The following ROBO1 variants were observed in gnomAD, a reference collection of about 807,000 sequenced individuals.
The protein encoded by ROBO1 is roundabout homolog 1.
In ROBO1, 149 loss-of-function variants were observed where a neutral mutation model predicts 195.9. That is an observed-to-expected ratio of 0.76 (90% confidence interval 0.67 to 0.87). The LOEUF is 0.87. ROBO1 is among the 40% of genes least tolerant of loss of function. The pLI is 0.00. For missense variants in ROBO1, 1,933 were observed against 2,068.3 expected (o/e 0.93, Z 1.27); for synonymous variants, 816 against 733.2 (o/e 1.11, Z -1.82).
At chr3:79,612,178 C>T (rs557775607) in intron 1 of ROBO1, among the ~76,000 whole-genome samples, 2 of 147,844 alleles carry the variant, frequency 1.4e-5, no homozygotes, top group Non-Finnish European at 3.0e-5. Context: ...ATCCCTCCCC[C>T]CTCCCACCAC....
chr3:79,481,777 A>G (rs1237298949), intron 2 of ROBO1, among the ~76,000 whole-genome samples: 2 of 152,208 alleles, frequency 1.3e-5, no homozygotes, highest in African/African-American at 4.8e-5. Flanking sequence ...AACATAGTTC[A>G]GAAGAAATTT....
intron 11 of ROBO1, 49 bp downstream of exon 11, chr3:78,670,047 G>T: frequency 6.8e-7 from 1 of 1,469,152 alleles, no homozygotes; most frequent in South Asian, 1.3e-5. Context: ...GTTGGAGGCA[G>T]AAACAAAGTG....
chr3:78,759,763 G>A (rs958975484), intron 4 of ROBO1, among the ~76,000 whole-genome samples: 1 of 151,946 alleles, frequency 6.6e-6, no homozygotes, highest in African/African-American at 2.4e-5. Flanking sequence ...TTCTATTTTT[G>A]CTGCCCCAGA....
chr3:78,993,722 T>C (rs927636405), intron 3 of ROBO1, among the ~76,000 whole-genome samples: 5 of 152,184 alleles, frequency 3.3e-5, no homozygotes, highest in Non-Finnish European at 5.9e-5. Context: ...ACTTTGCCCA[T>C]AATTGTTAAT....
At chr3:79,484,503 A>ATG (rs201217356) in intron 2 of ROBO1, among the ~76,000 whole-genome samples, 216 of 151,836 alleles carry the variant, frequency 1.4e-3, no homozygotes, top group African/African-American at 4.9e-3. Context: ...ATATATATAT[A>ATG]TGTGTGTGTG....
At chr3:78,950,630 T>A (rs529078451) in intron 3 of ROBO1, among the ~76,000 whole-genome samples, 2 of 151,742 alleles carry the variant, frequency 1.3e-5, no homozygotes, top group African/African-American at 4.8e-5. Flanking sequence ...ACCTGCACAT[T>A]GTGCACATGT....
intron 2 of ROBO1, among the ~76,000 whole-genome samples, chr3:79,400,866 T>C (rs1398658430): frequency 6.6e-6 from 1 of 151,918 alleles, no homozygotes; most frequent in Non-Finnish European, 1.5e-5. Flanking sequence ...CCCTCTTATA[T>C]TTCTGTAGGA....
At chr3:78,985,364 TATAAC>T (rs1430529188) in intron 3 of ROBO1, among the ~76,000 whole-genome samples, 9 of 152,276 alleles carry the variant, frequency 5.9e-5, no homozygotes, top group African/African-American at 1.7e-4. Flanking sequence ...TTATAATACA[TATAAC>T]ATACAAAATA....
chr3:79,159,894 T>G (rs2080924952), intron 2 of ROBO1, among the ~76,000 whole-genome samples: 1 of 152,000 alleles, frequency 6.6e-6, no homozygotes, highest in South Asian at 2.1e-4. Flanking sequence ...TTACTAAGCT[T>G]TCTGGAAAAG....
chr3:79,485,268 T>C (rs947430650), intron 2 of ROBO1, among the ~76,000 whole-genome samples: 2 of 152,130 alleles, frequency 1.3e-5, no homozygotes, highest in African/African-American at 4.8e-5. Context: ...GCTATTAAAA[T>C]GTACACGTTA....
intron 2 of ROBO1, among the ~76,000 whole-genome samples, chr3:79,433,644 T>G (rs2038769112): frequency 6.6e-6 from 1 of 152,118 alleles, no homozygotes; most frequent in Non-Finnish European, 1.5e-5. Context: ...ATTTATAGAT[T>G]CAATGCCATC....
chr3:79,486,234 T>A (rs564497018), intron 2 of ROBO1, among the ~76,000 whole-genome samples: 1 of 152,182 alleles, frequency 6.6e-6, no homozygotes, highest in South Asian at 2.1e-4. Context: ...TATATTGTAT[T>A]ATTTTTTATA....
At chr3:79,246,029 G>T (rs1236997400) in intron 2 of ROBO1, among the ~76,000 whole-genome samples, 2 of 151,956 alleles carry the variant, frequency 1.3e-5, no homozygotes, top group South Asian at 4.1e-4. Context: ...TAATTAAATT[G>T]TCTCTCTGGT....
At position 79,216,212 on chromosome 3, in the gene ROBO1, TA is replaced by T. The variant is rs556545406; in HGVS notation, c.89-90674del. 7.9e-5 allele frequency among the ~76,000 whole-genome samples: 12 copies of T among 152,218 alleles called. No individual in the cohort carries two copies. The South Asian group carries it at 2.5e-3, about 32-fold the overall frequency. Reference sequence around the variant, plus strand: ...TTATTTTAAAGATTTAGACAACTTATAGTAGATAGTTATTTAGAAAGCTAAT... The same window carrying T: ...TTATTTTAAAGATTTAGACAACTTATGTAGATAGTTATTTAGAAAGCTAAT... On this transcript the variant is annotated intron_variant, in intron 2 of 30. Coordinates refer to ENST00000464233, the MANE Select transcript of ROBO1 (RefSeq NM_002941.4).
At chr3:78,796,558 G>T (rs1464660169) in intron 4 of ROBO1, among the ~76,000 whole-genome samples, 4 of 149,820 alleles carry the variant, frequency 2.7e-5, no homozygotes, top group Non-Finnish European at 5.9e-5. Context: ...AAACTGAACT[G>T]ATCATTTTCA....
chr3:78,714,312 G>C (rs542821258), intron 8 of ROBO1, 85 bp downstream of exon 8: 6 of 1,322,046 alleles, frequency 4.5e-6, no homozygotes, highest in Non-Finnish European at 6.3e-6. Context: ...ATGTAACATA[G>C]CCCTATACAT....
intron 1 of ROBO1, among the ~76,000 whole-genome samples, chr3:79,615,090 T>C (rs1944778560): frequency 6.6e-6 from 1 of 152,080 alleles, no homozygotes; most frequent in Non-Finnish European, 1.5e-5. Context: ...CAAACATCTC[T>C]CATTATATCC....
At chr3:79,730,382 T>C (rs1483985731) in intron 1 of ROBO1, among the ~76,000 whole-genome samples, 1 of 152,304 alleles carries the variant, frequency 6.6e-6, no homozygotes, top group South Asian at 2.1e-4. Context: ...AATTATATAG[T>C]CACTCACTGA....
At chr3:79,649,101 T>C (rs1262946512) in intron 1 of ROBO1, among the ~76,000 whole-genome samples, 2 of 152,218 alleles carry the variant, frequency 1.3e-5, no homozygotes, top group African/African-American at 2.4e-5. Flanking sequence ...TTCAAATCTA[T>C]TATGTTAGGA....
Sources: gnomAD v4.1 joint callset for allele counts (sites outside exome capture counted in the v4.1 genomes callset) on GRCh38, gnomAD v4.1.1 for gene constraint, MANE v1.5 for transcripts, NCBI Gene and HGNC (gene_info 2026-07-23, HGNC 2026-07-21) for gene names.